The following ABL1 variants were observed in gnomAD, a reference collection of about 807,000 sequenced individuals.
ABL1 encodes the protein tyrosine-protein kinase ABL1.
ABL1 carries 11 observed loss-of-function variants against 94.7 expected under a neutral mutation model. That is an observed-to-expected ratio of 0.12 (90% CI 0.07 to 0.19). The LOEUF (loss-of-function observed/expected upper bound fraction) is 0.19, where lower values mean the gene tolerates loss of function less well. Ranked by LOEUF, ABL1 falls within the 10% of genes least tolerant of loss-of-function variation. The pLI is 1.00. For synonymous variants in ABL1, 656 were observed against 622.4 expected (o/e 1.05, Z -0.80); for missense variants, 1,082 against 1,489.4 (o/e 0.73, Z 4.50).
rs191989146 is a variant in ABL1 at position 130,767,904 on chromosome 9, G to A, written c.136+53449G>A. On this transcript the variant is annotated intron_variant, in intron 1 of 10. Transcript: ENST00000372348. ...TCAATCATCAAGATTTAGACTGGTGGGAATTCTGCACAACAAATGACTTGG... is the reference window on the plus strand; with the variant it reads ...TCAATCATCAAGATTTAGACTGGTGAGAATTCTGCACAACAAATGACTTGG... Among the ~76,000 whole-genome samples, 177 of 152,252 alleles carry A rather than the reference G, an allele frequency of 1.2e-3. 2 individuals are homozygous for A. In the Middle Eastern group the frequency reaches 0.014, roughly 12 times the overall value.
chr9:130,724,115 A>T (rs1048709466), intron 1 of ABL1, among the ~76,000 whole-genome samples: 18 of 152,012 alleles, frequency 1.2e-4, no homozygotes, highest in Non-Finnish European at 1.9e-4. Flanking sequence ...TGGCCTTTTA[A>T]AAAAATTTTT....
intron 1 of ABL1, among the ~76,000 whole-genome samples, chr9:130,825,103 G>A (rs913220376): frequency 6.6e-6 from 1 of 152,118 alleles, no homozygotes; most frequent in Non-Finnish European, 1.5e-5. Flanking sequence ...CTGTCATGGG[G>A]TACAGCTCTA....
At chr9:130,770,847 C>T (rs1271315109) in intron 1 of ABL1, among the ~76,000 whole-genome samples, 1 of 152,128 alleles carries the variant, frequency 6.6e-6, no homozygotes, top group Admixed American at 6.5e-5. Flanking sequence ...TATCACATTC[C>T]CAGCCTACCC....
At chr9:130,792,118 G>A (rs886715741) in intron 1 of ABL1, among the ~76,000 whole-genome samples, 2 of 152,032 alleles carry the variant, frequency 1.3e-5, no homozygotes, top group African/African-American at 4.8e-5. Context: ...TCAAGTTAAC[G>A]ACAGAATTTC....
At chr9:130,875,973 G>A (rs1588278432) in intron 7 of ABL1, among the ~76,000 whole-genome samples, 6 of 152,242 alleles carry the variant, frequency 3.9e-5, no homozygotes, top group Admixed American at 3.9e-4. Flanking sequence ...GATTATAGGC[G>A]CATGCCACCA....
At chr9:130,819,797 T>A (rs1458721252) in intron 1 of ABL1, among the ~76,000 whole-genome samples, 3 of 152,076 alleles carry the variant, frequency 2.0e-5, no homozygotes, top group African/African-American at 7.2e-5. Context: ...CGCCTCAGCC[T>A]TCCAAAGTGC....
chr9:130,789,243 C>T (rs550128813), intron 1 of ABL1, among the ~76,000 whole-genome samples: 13 of 152,306 alleles, frequency 8.5e-5, no homozygotes, highest in African/African-American at 3.1e-4. Context: ...CAGTATCAAT[C>T]AGAAAGGAAT....
chr9:130,759,862 A>G (rs546148978), intron 1 of ABL1, among the ~76,000 whole-genome samples: 1 of 152,150 alleles, frequency 6.6e-6, no homozygotes, highest in Middle Eastern at 3.4e-3. Flanking sequence ...GCACAGTTAC[A>G]GCTCACTGCA....
chr9:130,857,946 C>A (rs1478798132), intron 3 of ABL1, among the ~76,000 whole-genome samples: 7 of 151,988 alleles, frequency 4.6e-5, no homozygotes, highest in East Asian at 1.9e-4. Flanking sequence ...GACATTGGGC[C>A]CTTTGAAAGA....
At chr9:130,713,052 T>G (rs1374525137) in exon 1 of ABL1, among the ~76,000 whole-genome samples, 1 of 152,162 alleles carries the variant, frequency 6.6e-6, no homozygotes, top group Non-Finnish European at 1.5e-5. Flanking sequence ...TAATCCATCA[T>G]GGCGGCCGCG....
intron 1 of ABL1, among the ~76,000 whole-genome samples, chr9:130,809,814 T>C (rs1830182909): frequency 6.6e-6 from 1 of 152,230 alleles, no homozygotes; most frequent in South Asian, 2.1e-4. Flanking sequence ...TCTGAGCACG[T>C]ATGGCCCAGT....
chr9:130,826,227 TCTC>T (rs1830422604), intron 1 of ABL1, among the ~76,000 whole-genome samples: 1 of 152,014 alleles, frequency 6.6e-6, no homozygotes, highest in East Asian at 1.9e-4. Flanking sequence ...TTCAGGCGAT[TCTC>T]CTGTCTGAGC....
At position 130,774,714 on chromosome 9, in the gene ABL1, CG is replaced by C. The variant is rs1832291905; in HGVS notation, c.136+60260del. On this transcript the variant is annotated intron_variant, in intron 1 of 10. Coordinates refer to the ABL1 transcript ENST00000372348. ...AAACAAAATTAGCCAGGCATGGTGGCGTGCATCTATAGTCCCAGCTACTTGA... is the reference window on the plus strand; with the variant it reads ...AAACAAAATTAGCCAGGCATGGTGGCTGCATCTATAGTCCCAGCTACTTGA... Among the ~76,000 whole-genome samples, 11 of 152,090 alleles carry C rather than the reference CG, an allele frequency of 7.2e-5. No individual in the cohort carries two copies. In the South Asian group the frequency reaches 2.3e-3, roughly 32 times the overall value.
chr9:130,744,443 T>A (rs188534971), intron 1 of ABL1, among the ~76,000 whole-genome samples: 2 of 151,168 alleles, frequency 1.3e-5, no homozygotes, highest in Admixed American at 1.3e-4. Context: ...GCCTGGCCCC[T>A]TCTTGTTTTT....
intron 8 of ABL1, 106 bp downstream of exon 8, chr9:130,878,673 C>G: frequency 7.3e-7 from 1 of 1,363,794 alleles, no homozygotes; most frequent in Admixed American, 2.1e-5. Flanking sequence ...TGAGCTCTCT[C>G]CATTCCAGTT....
At chr9:130,797,897 C>T (rs912023479) in intron 1 of ABL1, among the ~76,000 whole-genome samples, 3 of 152,158 alleles carry the variant, frequency 2.0e-5, no homozygotes, top group Admixed American at 2.0e-4. Context: ...GACCTGTTCT[C>T]AAGTTCAAAC....
intron 1 of ABL1, among the ~76,000 whole-genome samples, chr9:130,825,596 C>T (rs1830415194): frequency 6.6e-6 from 1 of 152,150 alleles, no homozygotes; most frequent in Non-Finnish European, 1.5e-5. Context: ...TGCAACAAAG[C>T]TGTAACATTG....
chr9:130,736,791 G>A (rs187299273), intron 1 of ABL1, among the ~76,000 whole-genome samples: 13 of 152,214 alleles, frequency 8.5e-5, no homozygotes, highest in African/African-American at 2.2e-4. Context: ...GTGCCCGGCC[G>A]GTTGAACGTT....
intron 1 of ABL1, among the ~76,000 whole-genome samples, chr9:130,758,914 G>A (rs988288842): frequency 2.6e-5 from 4 of 152,166 alleles, no homozygotes; most frequent in Non-Finnish European, 5.9e-5. Context: ...TCAGAAGGCT[G>A]TAGTGGATCA....
Sources: gnomAD v4.1 joint callset for allele counts (sites outside exome capture counted in the v4.1 genomes callset) on GRCh38, gnomAD v4.1.1 for gene constraint, MANE v1.5 for transcripts, NCBI Gene and HGNC (gene_info 2026-07-23, HGNC 2026-07-21) for gene names.